The following MEGF11 variants were observed in gnomAD, a reference collection of about 807,000 sequenced individuals.
The protein encoded by MEGF11 is multiple EGF like domains 11, also known as multiple epidermal growth factor-like domains protein 11.
In MEGF11, 126 loss-of-function variants were observed where a neutral mutation model predicts 146.6. That is an observed-to-expected ratio of 0.86 (90% CI 0.74 to 1.00). MEGF11 has a LOEUF of 1.00. Among genes scored for constraint, MEGF11 ranks in the 50% least tolerant of loss-of-function variants. The pLI is 0.00. For synonymous variants in MEGF11, 532 were observed against 583.4 expected (o/e 0.91, Z 1.27); for missense variants, 1,509 against 1,521.2 (o/e 0.99, Z 0.13).
At chr15:65,970,743 T>C (rs2081276798) in intron 7 of MEGF11, 54 bp from the exon 8 acceptor site, 9 of 1,554,534 alleles carry the variant, frequency 5.8e-6, no homozygotes, top group Non-Finnish European at 7.0e-6. Context: ...TGCCAAACTT[T>C]CCTGGGAATG....
chr15:66,153,119 A>G (rs2089630218), intron 1 of MEGF11, among the ~76,000 whole-genome samples: 1 of 152,204 alleles, frequency 6.6e-6, no homozygotes, highest in Non-Finnish European at 1.5e-5. Flanking sequence ...CCCAGTCTCT[A>G]AACTTCTCAC....
intron 4 of MEGF11, among the ~76,000 whole-genome samples, chr15:66,115,275 G>A (rs1034102578): frequency 6.6e-6 from 1 of 152,214 alleles, no homozygotes; most frequent in Non-Finnish European, 1.5e-5. Flanking sequence ...TCGCAGGGCA[G>A]GGCTGCAGGC....
At chr15:66,019,975 C>T (rs1011130286) in intron 5 of MEGF11, among the ~76,000 whole-genome samples, 1 of 152,188 alleles carries the variant, frequency 6.6e-6, no homozygotes, top group Non-Finnish European at 1.5e-5. Flanking sequence ...ATGGCCACTC[C>T]GGTAAGCACA....
chr15:66,143,399 G>T (rs1473470586), intron 1 of MEGF11, among the ~76,000 whole-genome samples: 1 of 152,172 alleles, frequency 6.6e-6, no homozygotes, highest in Non-Finnish European at 1.5e-5. Context: ...TGCTGGATTA[G>T]GCCCCGGAAT....
chr15:66,024,852 C>T (rs1363714717), intron 5 of MEGF11, among the ~76,000 whole-genome samples: 1 of 152,196 alleles, frequency 6.6e-6, no homozygotes, highest in Non-Finnish European at 1.5e-5. Flanking sequence ...CAGCCCCTCC[C>T]AGCTCAGCTA....
At chr15:66,191,699 G>A (rs1002644022) in intron 1 of MEGF11, among the ~76,000 whole-genome samples, 9 of 152,162 alleles carry the variant, frequency 5.9e-5, no homozygotes, top group Non-Finnish European at 1.0e-4. Flanking sequence ...CCCCCTTGAG[G>A]AGGGCATGGG....
chr15:66,015,018 C>T lies in MEGF11; in HGVS notation c.395-32530G>A, dbSNP rs1012105764. 5.3e-5 allele frequency among the ~76,000 whole-genome samples: 8 copies of T among 152,088 alleles called. No homozygotes were observed. In the East Asian group the frequency reaches 1.2e-3, roughly 22 times the overall value. On this transcript the variant is annotated intron_variant, in intron 5 of 25. Transcript: ENST00000395614. ...ATTTGCCAATTTCCATGGTGTAAAT[C>T]GTCCCACCATGATTGCTTTCAAGCT...
chr15:65,917,013 A>G (rs2079023324), intron 16 of MEGF11, 57 bp from the exon 17 acceptor site: 1 of 1,429,494 alleles, frequency 7.0e-7, no homozygotes, highest in African/African-American at 1.5e-5. Flanking sequence ...GCAGACGGAG[A>G]GGGAGAAGAA....
chr15:65,970,419 C>A, intron 8 of MEGF11, 134 bp downstream of exon 8: 3 of 981,926 alleles, frequency 3.1e-6, no homozygotes, highest in Non-Finnish European at 4.4e-6. Flanking sequence ...CCCTCCCTGG[C>A]AGGAGAGCTC....
At chr15:66,146,550 T>G (rs2141021430) in intron 1 of MEGF11, among the ~76,000 whole-genome samples, 1 of 152,394 alleles carries the variant, frequency 6.6e-6, no homozygotes, top group East Asian at 1.9e-4. Context: ...TTCCCGTGGC[T>G]CTGCCACGTG....
At chr15:65,942,747 G>A (rs2080044626) in intron 10 of MEGF11, among the ~76,000 whole-genome samples, 1 of 152,104 alleles carries the variant, frequency 6.6e-6, no homozygotes, top group Non-Finnish European at 1.5e-5. Flanking sequence ...GGCTGGGGGT[G>A]AGGATGGTTA....
Position 66,156,546 on chromosome 15 carries a change from C to T in MEGF11, c.-8-28135G>A, listed in dbSNP as rs561148960. Among the ~76,000 whole-genome samples, 14 of 152,062 alleles carry T rather than the reference C, an allele frequency of 9.2e-5. No individual in the cohort carries two copies. In the East Asian group the frequency reaches 9.7e-4, roughly 11 times the overall value. ...GGCCACCACTCCCTGTGTCAGGACA[C>T]GGCAGAGCCCGGCCCCCGAGAGGAG... On this transcript the variant is annotated intron_variant, in intron 1 of 25. Transcript: ENST00000395614.
At chr15:66,033,177 T>C (rs988665473) in intron 5 of MEGF11, among the ~76,000 whole-genome samples, 4 of 150,760 alleles carry the variant, frequency 2.7e-5, no homozygotes, top group East Asian at 1.9e-4. Flanking sequence ...GTTTTGGAAA[T>C]GGCACCTAGG....
intron 1 of MEGF11, among the ~76,000 whole-genome samples, chr15:66,168,789 A>G (rs1407237333): frequency 6.6e-6 from 1 of 152,194 alleles, no homozygotes; most frequent in Non-Finnish European, 1.5e-5. Context: ...GTGACCTGAG[A>G]TCAGCCTGGC....
chr15:66,127,507 T>C (rs2088418047), intron 2 of MEGF11, among the ~76,000 whole-genome samples: 1 of 152,166 alleles, frequency 6.6e-6, no homozygotes, highest in Non-Finnish European at 1.5e-5. Context: ...CCCGCCTTTC[T>C]TCTTCTACCA....
At chr15:66,211,318 TC>T (rs2091440855) in intron 1 of MEGF11, among the ~76,000 whole-genome samples, 1 of 152,004 alleles carries the variant, frequency 6.6e-6, no homozygotes, top group Non-Finnish European at 1.5e-5. Flanking sequence ...AGTCAGGAGA[TC>T]GAGACCATCT....
chr15:65,914,549 C>G lies in MEGF11; in HGVS notation c.2474-576G>C, dbSNP rs72742823. On this transcript the variant is annotated intron_variant, in intron 19 of 25. Coordinates refer to ENST00000395614, the MANE Select transcript of MEGF11 (RefSeq NM_001385028.1). ...TGCTGTTATTTCCAGGATGACTGCC[C>G]GCAGGACCCCTCTTGGTTATATATG... is the stretch of plus-strand genomic sequence containing the variant. Among the ~76,000 whole-genome samples the G allele has an allele frequency of 9.2e-3, 1,402 of 152,180 alleles. 8 individuals are homozygous for G. Among genetic ancestry groups the G allele is most frequent in the Non-Finnish European group, 0.014 (975 of 67,988 alleles).
At chr15:66,191,276 A>C (rs931415348) in intron 1 of MEGF11, among the ~76,000 whole-genome samples, 1 of 152,216 alleles carries the variant, frequency 6.6e-6, no homozygotes, top group Non-Finnish European at 1.5e-5. Context: ...CGGGCTGGCC[A>C]TTTAATTGAT....
At chr15:66,156,573 G>A (rs980323140) in intron 1 of MEGF11, among the ~76,000 whole-genome samples, 2 of 151,994 alleles carry the variant, frequency 1.3e-5, no homozygotes, top group Non-Finnish European at 2.9e-5. Context: ...CGAGAGGAGG[G>A]AGAAGATGCT....
Sources: gnomAD v4.1 joint callset for allele counts (sites outside exome capture counted in the v4.1 genomes callset) on GRCh38, gnomAD v4.1.1 for gene constraint, MANE v1.5 for transcripts, NCBI Gene and HGNC (gene_info 2026-07-23, HGNC 2026-07-21) for gene names.